Variants in SLC44A5 observed in about 807,000 individuals in gnomAD.
The protein encoded by SLC44A5 is choline transporter-like protein 5.
A neutral mutation model predicts 101.8 loss-of-function variants in SLC44A5; 57 were observed. The ratio of observed to expected loss-of-function variants is 0.56; its 90% confidence interval spans 0.45 to 0.70. The LOEUF is 0.70. Among genes scored for constraint, SLC44A5 ranks in the 30% least tolerant of loss-of-function variants. The pLI, the probability that SLC44A5 is intolerant of heterozygous loss-of-function variation, is 0.00. For missense variants in SLC44A5, 737 were observed against 853.1 expected, an observed-to-expected ratio of 0.86 and a Z score of 1.70; for synonymous variants, 281 against 290.9, an observed-to-expected ratio of 0.97 and a Z score of 0.35.
At chr1:75,655,639 C>A in the SLC44A5 span, among the ~76,000 whole-genome samples, 1 of 152,102 alleles carries the variant, frequency 6.6e-6, no homozygotes, top group Non-Finnish European at 1.5e-5. Context: ...CAATGCAGCA[C>A]AGAGAGACAC....
In SLC44A5 at chr1:75,496,522, T is replaced by C. The variant is rs945062551; in HGVS notation, c.13+44913A>G. ...ACTGTAAAACTTCTAAGAGAAAACA[T>C]AGGGAACAAGCTCTATGATGTTGGT... On this transcript the variant is annotated intron_variant, in intron 2 of 23. Transcript: ENST00000370859. Among the ~76,000 whole-genome samples, 118 of 151,014 alleles carry C rather than the reference T, an allele frequency of 7.8e-4. 1 individual carries two copies. Among genetic ancestry groups the C allele is most frequent in the Non-Finnish European group, 2.4e-4 (16 of 67,790 alleles).
At position 75,464,802 on chromosome 1, in the gene SLC44A5, T is replaced by C. The variant is rs370954002; in HGVS notation, c.14-68181A>G. ...AGAGACAAAGGTCTCTGTATAATGATAAAGGAGTCAATTCAGCTAGAGAAT... is the reference window on the plus strand; with the variant it reads ...AGAGACAAAGGTCTCTGTATAATGACAAAGGAGTCAATTCAGCTAGAGAAT... On this transcript the variant is annotated intron_variant, in intron 2 of 23. Transcript: ENST00000370859. 2.0e-4 allele frequency among the ~76,000 whole-genome samples: 30 copies of C among 152,246 alleles called. 2 individuals are homozygous for C. In the South Asian group the frequency reaches 6.0e-3, roughly 30 times the overall value.
intron 2 of SLC44A5, among the ~76,000 whole-genome samples, chr1:75,416,345 C>T (rs1570208905): frequency 6.6e-6 from 1 of 152,162 alleles, no homozygotes; most frequent in African/African-American, 2.4e-5. Flanking sequence ...GTTGAGCCTG[C>T]CAGTGCACAG....
At chr1:75,445,802 C>T (rs1207742400) in intron 2 of SLC44A5, among the ~76,000 whole-genome samples, 1 of 152,074 alleles carries the variant, frequency 6.6e-6, no homozygotes, top group Non-Finnish European at 1.5e-5. Flanking sequence ...GCTTGGATAG[C>T]TAAAAAGCAC....
chr1:75,654,967 CT>C, the SLC44A5 span, among the ~76,000 whole-genome samples: 3 of 152,090 alleles, frequency 2.0e-5, no homozygotes, highest in African/African-American at 7.2e-5. Flanking sequence ...CTTAATTTGC[CT>C]TTCTCAAATA....
At chr1:75,385,849 G>C (rs1395648845) in intron 3 of SLC44A5, among the ~76,000 whole-genome samples, 2 of 151,940 alleles carry the variant, frequency 1.3e-5, no homozygotes, top group Admixed American at 6.6e-5. Context: ...ACATCCAAAA[G>C]CTTATCCACC....
At chr1:75,606,048 A>G (rs1476949602) in intron 1 of SLC44A5, among the ~76,000 whole-genome samples, 1 of 151,920 alleles carries the variant, frequency 6.6e-6, no homozygotes, top group Non-Finnish European at 1.5e-5. Context: ...ATCTCCAGAC[A>G]CTGTAAAATT....
chr1:75,356,209 CAAAA>C (rs35660365), intron 3 of SLC44A5, among the ~76,000 whole-genome samples: 1 of 76,102 alleles, frequency 1.3e-5, no homozygotes, highest in African/African-American at 5.2e-5. Context: ...AAGACTGCCT[CAAAA>C]AAAAAAAAAA....
At chr1:75,686,181 G>A in the SLC44A5 span, among the ~76,000 whole-genome samples, 1 of 152,088 alleles carries the variant, frequency 6.6e-6, no homozygotes, top group Non-Finnish European at 1.5e-5. Context: ...GATTTGGGTG[G>A]GGACACAGCC....
intron 2 of SLC44A5, among the ~76,000 whole-genome samples, chr1:75,494,480 C>T (rs11163496): frequency 0.26 from 38,811 of 151,980 alleles, 6,560 homozygotes; most frequent in African/African-American, 0.49. Context: ...TCACTGGCTC[C>T]TGGAGCTGAT....
intron 3 of SLC44A5, among the ~76,000 whole-genome samples, chr1:75,386,681 A>C (rs533411847): frequency 6.6e-6 from 1 of 152,228 alleles, no homozygotes; most frequent in African/African-American, 2.4e-5. Context: ...GCTACCAATG[A>C]CTTTCTTCAC....
At position 75,537,031 on chromosome 1, in the gene SLC44A5, A is replaced by G. The variant is rs201517349; in HGVS notation, c.13+4404T>C. 4.4e-4 allele frequency among the ~76,000 whole-genome samples: 7 copies of G among 15,760 alleles called. 1 individual carries two copies. Among genetic ancestry groups the G allele is most frequent in the South Asian group, 6.1e-3 (1 of 164 alleles). The allele number at this position is 15,760 out of a possible 152,430, so 10.3% of individuals were successfully genotyped here. A position where few individuals can be genotyped will look rare whatever the true frequency, so the allele number is the denominator to read the frequency against. On this transcript the variant is annotated intron_variant, in intron 2 of 23. Transcript: ENST00000370859. Reference sequence around the variant, plus strand: ...AAAAAAAAAAAAAAAAAAAAAAAAAAAAATATATATCTATGCCAAATGATT... The same window carrying G: ...AAAAAAAAAAAAAAAAAAAAAAAAAGAAATATATATCTATGCCAAATGATT...
At chr1:75,543,640 CAT>C (rs982014882) in intron 1 of SLC44A5, among the ~76,000 whole-genome samples, 4 of 141,948 alleles carry the variant, frequency 2.8e-5, no homozygotes, top group African/African-American at 7.8e-5. Context: ...TATATATACA[CAT>C]ATATATACAC....
the SLC44A5 span, among the ~76,000 whole-genome samples, chr1:75,685,906 TCA>T: frequency 6.6e-6 from 1 of 152,170 alleles, no homozygotes; most frequent in East Asian, 1.9e-4. Context: ...TTTAATTGAC[TCA>T]CAGTTCCACA....
At chr1:75,716,786 C>A in the SLC44A5 span, among the ~76,000 whole-genome samples, 1 of 151,824 alleles carries the variant, frequency 6.6e-6, no homozygotes, top group Non-Finnish European at 1.5e-5. Flanking sequence ...AATCCTAGCA[C>A]TTTAGGAGGC....
At chr1:75,594,069 C>T (rs992383613) in intron 1 of SLC44A5, among the ~76,000 whole-genome samples, 2 of 151,974 alleles carry the variant, frequency 1.3e-5, no homozygotes, top group African/African-American at 4.8e-5. Context: ...GCTTATTTCA[C>T]ATTGCATGCC....
intron 2 of SLC44A5, among the ~76,000 whole-genome samples, chr1:75,527,819 T>A (rs186931125): frequency 6.6e-6 from 1 of 152,350 alleles, no homozygotes; most frequent in Non-Finnish European, 1.5e-5. Flanking sequence ...CTTTCTAGGC[T>A]GTTCACTGAC....
intron 2 of SLC44A5, among the ~76,000 whole-genome samples, chr1:75,401,554 C>CA (rs1662476270): frequency 6.6e-6 from 1 of 152,092 alleles, no homozygotes; most frequent in Non-Finnish European, 1.5e-5. Context: ...TGGGAAGGAG[C>CA]TTGGCATCTA....
At chr1:75,687,689 T>C in the SLC44A5 span, among the ~76,000 whole-genome samples, 3 of 152,198 alleles carry the variant, frequency 2.0e-5, no homozygotes, top group Non-Finnish European at 4.4e-5. Flanking sequence ...GGATGTGAAT[T>C]TCTCCCCAGG....
Sources: allele counts gnomAD v4.1 joint callset (sites outside exome capture counted in the v4.1 genomes callset), GRCh38; gene constraint gnomAD v4.1.1; transcripts MANE v1.5; gene names NCBI Gene and HGNC (gene_info 2026-07-23, HGNC 2026-07-21).